MYL12B: variants seen among roughly 807,000 people sequenced by gnomAD.
MYL12B encodes the protein myosin regulatory light chain 12B.
In MYL12B, 3 loss-of-function variants were observed where a neutral mutation model predicts 12.9. The observed-to-expected ratio is 0.23, with a 90% CI of 0.11 to 0.60. The LOEUF is 0.60. Among genes scored for constraint, MYL12B ranks in the 20% least tolerant of loss-of-function variants. The pLI is 0.89. For synonymous variants in MYL12B, 57 were observed against 71.9 expected (o/e 0.79, Z 1.05); for missense variants, 120 against 215.4 (o/e 0.56, Z 2.77).
In MYL12B at chr18:3,277,942, A is replaced by C. The variant is rs755500497; in HGVS notation, c.*5A>C. The C allele has an allele frequency of 1.2e-6, 2 of 1,612,856 alleles. No homozygotes were observed. Among genetic ancestry groups the C allele is most frequent in the Non-Finnish European group, 1.7e-6 (2 of 1,179,452 alleles). ...GCCAAAGACAAAGATGACTGAAAGA[A>C]CTTTAGCTAAAATCTTCCAGTTACA... On this transcript the variant is annotated 3_prime_UTR_variant, in exon 4 of 4. Transcript: ENST00000237500.
chr18:3,264,390 GAAAGGCA>G (rs925106793), intron 1 of MYL12B, among the ~76,000 whole-genome samples: 4 of 152,196 alleles, frequency 2.6e-5, no homozygotes, highest in African/African-American at 4.8e-5. Context: ...GTCCAAGGTG[GAAAGGCA>G]AAAGGCAATA....
chr18:3,262,290 C>A (rs1252747697), intron 1 of MYL12B, 53 bp downstream of exon 1: 1 of 100,342 alleles, frequency 1.0e-5, no homozygotes, highest in Non-Finnish European at 2.7e-5. Flanking sequence ...CGTCTCCGTA[C>A]CCCCGCGCCC....
chr18:3,270,585 C>T (rs2081670019), intron 1 of MYL12B, among the ~76,000 whole-genome samples: 1 of 152,114 alleles, frequency 6.6e-6, no homozygotes, highest in South Asian at 2.1e-4. Context: ...TTAGAGAACT[C>T]GGACTAAACT....
Position 3,276,842 on chromosome 18 carries a change from G to T in MYL12B, c.185-411G>T, listed in dbSNP as rs578238462. Reference sequence around the variant, plus strand: ...ACTTGAGCTCAGGAGTTCAAGACCAGCCTGGGCAACATAGTGAAACCCAGT... The same window carrying T: ...ACTTGAGCTCAGGAGTTCAAGACCATCCTGGGCAACATAGTGAAACCCAGT... On this transcript the variant is annotated intron_variant, in intron 2 of 3. Transcript: ENST00000237500. The T allele has an allele frequency of 1.5e-5, 12 of 788,082 alleles. No individual in the cohort carries two copies. In the South Asian group the frequency reaches 6.4e-4, roughly 42 times the overall value. The allele number at this position is 788,082 out of a possible 1,614,324, so 48.8% of individuals were successfully genotyped here.
chr18:3,274,410 C>A (rs1411593749), intron 2 of MYL12B, among the ~76,000 whole-genome samples: 1 of 151,720 alleles, frequency 6.6e-6, no homozygotes, highest in Non-Finnish European at 1.5e-5. Flanking sequence ...ACAATTTCAG[C>A]CTAATTAAAT....
chr18:3,275,677 C>T (rs1016742242), intron 2 of MYL12B, among the ~76,000 whole-genome samples: 4 of 152,128 alleles, frequency 2.6e-5, no homozygotes, highest in East Asian at 1.9e-4. Flanking sequence ...ATGTCTTGAG[C>T]GGGTCCATAA....
At chr18:3,277,635 T>G (rs2081744557) in intron 3 of MYL12B, 130 bp from the exon 4 acceptor site, 6 of 1,298,626 alleles carry the variant, frequency 4.6e-6, no homozygotes, top group Admixed American at 6.1e-5. Context: ...ATAGCCTTAG[T>G]TCACTAACTT....
chr18:3,277,480 G>A, intron 3 of MYL12B, 66 bp downstream of exon 3: 2 of 1,545,480 alleles, frequency 1.3e-6, no homozygotes, highest in South Asian at 2.5e-5. Context: ...TGAAATAGAA[G>A]GGGTTTTCTT....
In MYL12B at chr18:3,273,209, G is replaced by A. The variant is rs1352367827; in HGVS notation, c.184+127G>A. On this transcript the variant is annotated intron_variant, in intron 2 of 3. Transcript: ENST00000237500. ...AAAAGGCCTCTGGAGAGATTTCTGG[G>A]TGTGGGAGGTGCTATTTTGGGGCTT... is the stretch of plus-strand genomic sequence containing the variant. 6 of 1,058,930 alleles carry A rather than the reference G, an allele frequency of 5.7e-6. No individual in the cohort carries two copies. In the East Asian group the frequency reaches 1.1e-4, roughly 19 times the overall value. The allele number at this position is 1,058,930 out of a possible 1,614,324, so 65.6% of individuals were successfully genotyped here.
intron 1 of MYL12B, 40 bp from the exon 2 acceptor site, chr18:3,272,844 T>A: frequency 6.7e-7 from 1 of 1,491,974 alleles, no homozygotes; most frequent in South Asian, 1.4e-5. Flanking sequence ...GTTTTATACA[T>A]TGTTTTGTTT....
chr18:3,269,835 A>G (rs2081662941), intron 1 of MYL12B, among the ~76,000 whole-genome samples: 1 of 152,246 alleles, frequency 6.6e-6, no homozygotes, highest in Non-Finnish European at 1.5e-5. Flanking sequence ...GAACTGAGCT[A>G]GAGTAAGTCA....
intron 2 of MYL12B, chr18:3,276,926 A>C: frequency 1.0e-6 from 1 of 976,638 alleles, no homozygotes; most frequent in Non-Finnish European, 1.2e-6. Context: ...GTCCAAAAAA[A>C]AAAAAAAAAA....
Position 3,277,861 on chromosome 18 carries a change from T to C in MYL12B, c.443T>C (p.Ile148Thr), listed in dbSNP as rs1161997970. ...GATGAGCTGTACAGAGAAGCACCTATTGACAAAAAGGGGAATTTCAATTAC... is the reference window on the plus strand; with the variant it reads ...GATGAGCTGTACAGAGAAGCACCTACTGACAAAAAGGGGAATTTCAATTAC... ...EVDELYREAPIDKKGNFNYIE... is the reference protein window; with the variant it reads ...EVDELYREAPTDKKGNFNYIE... Residue 148 changes from isoleucine to threonine, a missense_variant, in exon 4 of 4, where the codon ATT (isoleucine) becomes ACT (threonine). Transcript: ENST00000237500. The C allele has an allele frequency of 6.2e-7, 1 of 1,613,972 alleles. No individual in the cohort carries two copies. The highest frequency in any genetic ancestry group is 1.1e-5 in the South Asian group (1 of 91,070).
intron 2 of MYL12B, among the ~76,000 whole-genome samples, chr18:3,274,698 T>C (rs1336899822): frequency 1.3e-5 from 2 of 152,236 alleles, no homozygotes; most frequent in Admixed American, 1.3e-4. Flanking sequence ...TGTTACAGGC[T>C]CATACTCCTA....
chr18:3,277,498 CT>C lies in MYL12B; in HGVS notation c.346+87del, dbSNP rs562844249. On this transcript the variant is annotated intron_variant, in intron 3 of 3. Coordinates refer to ENST00000237500, the MANE Select transcript of MYL12B (RefSeq NM_033546.4). ...AATAGAAGGGGTTTTCTTTTTTTAC[CT>C]TTAGAAAATATTTGCTTAAGAATAA... The C allele has an allele frequency of 3.9e-4, 599 of 1,531,988 alleles. 3 individuals are homozygous for C. The African/African-American group carries it at 7.8e-3, about 20-fold the overall frequency. 94.9% of individuals were successfully genotyped at this position (1,531,988 alleles called of 1,614,324 possible). A position where few individuals can be genotyped will look rare whatever the true frequency, so the allele number is the denominator to read the frequency against.
chr18:3,276,429 C>G (rs2081732185), intron 2 of MYL12B: 2 of 984,538 alleles, frequency 2.0e-6, no homozygotes, highest in African/African-American at 1.8e-5. Flanking sequence ...CAGGGGAGTT[C>G]CCTCACCACT....
At chr18:3,269,973 C>G (rs1243470086) in intron 1 of MYL12B, among the ~76,000 whole-genome samples, 1 of 152,158 alleles carries the variant, frequency 6.6e-6, no homozygotes, top group African/African-American at 2.4e-5. Flanking sequence ...TATGGAGCAC[C>G]AGGCTAACAG....
intron 3 of MYL12B, 46 bp from the exon 4 acceptor site, chr18:3,277,719 G>A (rs373885761): frequency 6.4e-7 from 1 of 1,571,070 alleles, no homozygotes; most frequent in Non-Finnish European, 8.6e-7. Context: ...CCATCAAAGT[G>A]CCAGGAAGTA....
Position 3,277,409 on chromosome 18 carries a change from C to T in MYL12B, c.341C>T (p.Ala114Val). ...GCCTTTGCTTGCTTTGATGAAGAAG[C>T]AACAGGTGAGTGCTATTTGTTTATG... ...RNAFACFDEE[A>V]TGTIQEDYLR... Residue 114 changes from alanine (A) to valine (V), a missense_variant, in exon 3 of 4, where the codon GCA becomes GTA. Coordinates refer to ENST00000237500, the MANE Select transcript of MYL12B (RefSeq NM_033546.4). The T allele has an allele frequency of 6.2e-7, 1 of 1,614,030 alleles. No individual in the cohort carries two copies. Among genetic ancestry groups the T allele is most frequent in the African/African-American group, 1.3e-5 (1 of 75,030 alleles).
Sources: gnomAD v4.1 joint callset for allele counts (sites outside exome capture counted in the v4.1 genomes callset) on GRCh38, gnomAD v4.1.1 for gene constraint, MANE v1.5 for transcripts, NCBI Gene and HGNC (gene_info 2026-07-23, HGNC 2026-07-21) for gene names.